CLIP4: variants seen among roughly 807,000 people sequenced by gnomAD.
CLIP4 encodes the protein CAP-Gly domain containing linker protein family member 4.
In CLIP4, 47 loss-of-function variants were observed where a neutral mutation model predicts 73.1. That is an observed-to-expected ratio of 0.64 (90% CI 0.51 to 0.82). The LOEUF (loss-of-function observed/expected upper bound fraction) is 0.82, where lower values mean the gene tolerates loss of function less well. CLIP4 is among the 40% of genes least tolerant of loss of function. The pLI, the probability that CLIP4 is intolerant of heterozygous loss-of-function variation, is 0.00. For missense variants in CLIP4, 874 were observed against 852.9 expected (o/e 1.02, Z -0.31); for synonymous variants, 306 against 295.4 (o/e 1.04, Z -0.37).
At chr2:29,116,247 A>T (rs992651588) in intron 1 of CLIP4, among the ~76,000 whole-genome samples, 4 of 152,176 alleles carry the variant, frequency 2.6e-5, no homozygotes, top group African/African-American at 9.7e-5. Flanking sequence ...GATCCCATTC[A>T]CTGCTTATGA....
chr2:29,176,771 T>C (rs953355918), intron 15 of CLIP4, among the ~76,000 whole-genome samples: 1 of 152,214 alleles, frequency 6.6e-6, no homozygotes. Flanking sequence ...CTCTTCTCCA[T>C]GTTACCACCA....
intron 8 of CLIP4, among the ~76,000 whole-genome samples, chr2:29,145,806 C>T (rs138991173): frequency 9.0e-4 from 137 of 152,280 alleles, no homozygotes; most frequent in African/African-American, 3.1e-3. Flanking sequence ...CTCAGCCTCC[C>T]GAGTAGCTGG....
rs1334778189 is a variant in CLIP4 at position 29,174,702 on chromosome 2, TA to T, written c.1796+260del. 6.4e-6 allele frequency: 7 copies of T among 1,101,018 alleles called. No homozygotes were observed. In the African/African-American group the frequency reaches 9.8e-5, roughly 15 times the overall value. 68.2% of individuals were successfully genotyped at this position (1,101,018 alleles called of 1,614,324 possible). ...AGAGGTCAGAACTGTTAATAAAAGT[TA>T]AAGGAATTTACATATTGTCTTTTCA... On this transcript the variant is annotated intron_variant, in intron 15 of 15. Transcript: ENST00000320081.
rs115065391 is a variant in CLIP4, at chr2:29,121,468, C to T, written c.80C>T (p.Ser27Phe). 1.2e-6 allele frequency: 2 copies of T among 1,613,780 alleles called. No homozygotes were observed. Among genetic ancestry groups the T allele is most frequent in the South Asian group, 1.1e-5 (1 of 91,058 alleles). The change falls in exon 2 of 16, where the codon TCT (serine) becomes TTT (phenylalanine). Residue 27 changes from serine to phenylalanine, a missense_variant. Physicochemically the swap from Ser to Phe is radical, Grantham distance 155. Transcript: ENST00000320081. ...FGRYPFIFSA[S>F]DTPVIFSISA... ...AGATACCCATTTATATTTTCTGCTT[C>T]TGATACCCCAGTTATCTTTTCCATT...
intron 6 of CLIP4, among the ~76,000 whole-genome samples, chr2:29,143,480 A>G (rs903371353): frequency 8.0e-5 from 12 of 149,088 alleles, no homozygotes; most frequent in East Asian, 2.0e-4. Flanking sequence ...TGTATGGTCT[A>G]TCTCTCCCAC....
chr2:29,165,262 C>CT (rs70958247), intron 13 of CLIP4, among the ~76,000 whole-genome samples: 98,748 of 148,880 alleles, frequency 0.66, 32,873 homozygotes, highest in East Asian at 0.98. Flanking sequence ...TTCTTTCTTT[C>CT]TTTTTTTTTT....
Position 29,150,873 on chromosome 2 carries a change from G to A in CLIP4, c.1022-1812G>A, listed in dbSNP as rs1293236324. Among the ~76,000 whole-genome samples, 4 of 151,926 alleles carry A rather than the reference G, an allele frequency of 2.6e-5. No homozygotes were observed. The East Asian group carries it at 7.7e-4, about 29-fold the overall frequency. ...GATCTCAGGTGATCCGCTTGCCTCG[G>A]CCTCCTAAATGGCTGGGATTACAGA... On this transcript the variant is annotated intron_variant, in intron 8 of 15. Transcript: ENST00000320081.
intron 15 of CLIP4, chr2:29,175,315 CTCCCT>C (rs770229712): frequency 6.6e-6 from 1 of 152,230 alleles, no homozygotes; most frequent in Non-Finnish European, 1.5e-5. Flanking sequence ...GGCTGTTTTT[CTCCCT>C]TCCTCAAAAC....
At chr2:29,114,933 T>A (rs1668494429), upstream of CLIP4, 1 of 152,304 alleles carries the variant, frequency 6.6e-6, no homozygotes, top group Non-Finnish European at 1.5e-5. Flanking sequence ...AGTTCACGAC[T>A]TTAGGTGCAC....
chr2:29,169,561 G>T (rs1024146544), intron 14 of CLIP4, among the ~76,000 whole-genome samples: 2 of 152,104 alleles, frequency 1.3e-5, no homozygotes, highest in Non-Finnish European at 2.9e-5. Flanking sequence ...GCAAAATTCA[G>T]CCTGTAACAG....
intron 12 of CLIP4, 114 bp from the exon 13 acceptor site, chr2:29,163,717 C>T (rs1361376422): frequency 1.7e-5 from 16 of 968,456 alleles, no homozygotes; most frequent in Middle Eastern, 2.4e-4. Context: ...ATGATCTTCC[C>T]TCATTTTGGT....
intron 9 of CLIP4, among the ~76,000 whole-genome samples, chr2:29,154,470 C>A (rs1334379206): frequency 6.6e-6 from 1 of 152,170 alleles, no homozygotes; most frequent in Non-Finnish European, 1.5e-5. Context: ...AAACTTTGGT[C>A]CAAGGACATA....
intron 14 of CLIP4, among the ~76,000 whole-genome samples, chr2:29,172,741 T>C (rs1042094953): frequency 2.0e-5 from 3 of 152,144 alleles, no homozygotes; most frequent in African/African-American, 4.8e-5. Context: ...TGCGCTCTCA[T>C]ATTTCTCACA....
intron 2 of CLIP4, among the ~76,000 whole-genome samples, chr2:29,124,338 T>C (rs1664454058): frequency 6.6e-6 from 1 of 152,236 alleles, no homozygotes; most frequent in Admixed American, 6.5e-5. Flanking sequence ...ATTTGCATTG[T>C]TTCTGCTGTC....
Position 29,107,533 on chromosome 2 carries a change from G to A in CLIP4, c.-16+9586G>A, listed in dbSNP as rs572147476. 5.0e-4 allele frequency among the ~76,000 whole-genome samples: 76 copies of A among 151,054 alleles called. 1 individual carries two copies. Among genetic ancestry groups the A allele is most frequent in the Middle Eastern group, 3.4e-3 (1 of 294 alleles). On this transcript the variant is annotated intron_variant, in intron 1 of 14. Transcript: ENST00000401605. ...ACTACAGGTGCCTGCTACCATGCCC[G>A]GCTAATTTTTTTGTATTTTTTTAGT... is the stretch of plus-strand genomic sequence containing the variant.
At chr2:29,134,267 T>C (rs1665192019) in intron 5 of CLIP4, among the ~76,000 whole-genome samples, 1 of 152,182 alleles carries the variant, frequency 6.6e-6, no homozygotes, top group African/African-American at 2.4e-5. Context: ...CCTGTTTTGA[T>C]GGTGATATCC....
chr2:29,122,199 T>A (rs1275031460), intron 2 of CLIP4, among the ~76,000 whole-genome samples: 1 of 151,878 alleles, frequency 6.6e-6, no homozygotes, highest in East Asian at 1.9e-4. Context: ...GTCTTTTTAG[T>A]CATATTCGTT....
At chr2:29,170,592 C>G (rs1667938419) in intron 14 of CLIP4, among the ~76,000 whole-genome samples, 2 of 152,174 alleles carry the variant, frequency 1.3e-5, no homozygotes, top group African/African-American at 4.8e-5. Flanking sequence ...AGAGCAGAAG[C>G]TTTTAGTTTT....
At chr2:29,131,424 T>C (rs1345483934) in intron 3 of CLIP4, 27 bp downstream of exon 3, 2 of 1,578,942 alleles carry the variant, frequency 1.3e-6, no homozygotes, top group Non-Finnish European at 8.6e-7. Flanking sequence ...TTTTAAGTTT[T>C]GCATTGTTAG....
Sources: allele counts gnomAD v4.1 joint callset (sites outside exome capture counted in the v4.1 genomes callset), GRCh38; gene constraint gnomAD v4.1.1; transcripts MANE v1.5; gene names NCBI Gene and HGNC (gene_info 2026-07-23, HGNC 2026-07-21).